WDR20: variants seen among roughly 807,000 people sequenced by gnomAD.
The protein encoded by WDR20 is WD repeat domain 20, also known as WD repeat-containing protein 20.
In WDR20, 3 loss-of-function variants were observed where a neutral mutation model predicts 38.7. The observed-to-expected ratio is 0.08, with a 90% CI of 0.04 to 0.20. The LOEUF (loss-of-function observed/expected upper bound fraction) is 0.20, where lower values mean the gene tolerates loss of function less well. Ranked by LOEUF, WDR20 falls within the 10% of genes least tolerant of loss-of-function variation. WDR20 has a pLI of 1.00. For synonymous variants in WDR20, 298 were observed against 285.6 expected, an observed-to-expected ratio of 1.04 and a Z score of -0.44; for missense variants, 559 against 727.7, an observed-to-expected ratio of 0.77 and a Z score of 2.67.
chr14:102,151,744 TTTTTTTTTTTAA>T (rs1338209130), intron 1 of WDR20, among the ~76,000 whole-genome samples: 2 of 132,334 alleles, frequency 1.5e-5, no homozygotes, highest in African/African-American at 6.3e-5. Context: ...TTCCTTTTTC[TTTTTTTTTTTAA>T]TGAAACAAGA....
intron 1 of WDR20, chr14:102,193,479 G>A (rs923955356): frequency 1.9e-6 from 3 of 1,613,530 alleles, no homozygotes; most frequent in African/African-American, 2.7e-5. Flanking sequence ...CCATGAGGTT[G>A]GTAGAACAGA....
At chr14:102,158,640 A>G (rs2057982647) in intron 1 of WDR20, among the ~76,000 whole-genome samples, 1 of 151,952 alleles carries the variant, frequency 6.6e-6, no homozygotes, top group African/African-American at 2.4e-5. Flanking sequence ...TCAATAACCT[A>G]CTTCCCTATC....
In WDR20 at chr14:102,209,527, G is replaced by T; in HGVS notation, c.1357G>T (p.Ala453Ser). 2 of 1,614,186 alleles carry T rather than the reference G, an allele frequency of 1.2e-6. No homozygotes were observed. The highest frequency in any genetic ancestry group is 1.7e-6 in the Non-Finnish European group (2 of 1,180,050). ...CAGCAAAAGCAGTGTCATGGACGGG[G>T]CCATTGCTTCTGGGGTCAGCAAATT... is the stretch of plus-strand genomic sequence containing the variant. ...AGSKSSVMDG[A>S]IASGVSKFAT... The change falls in exon 3 of 3, where the codon GCC becomes TCC. Residue 453 changes from alanine (A) to serine (S), a missense_variant. By Grantham distance (99) the Ala-to-Ser change is moderately conservative. Coordinates refer to ENST00000342702, the MANE Select transcript of WDR20 (RefSeq NM_144574.4). This position sits in a 1 kb window ranked among gnomAD's most constrained non-coding sequence, Gnocchi z 6.0.
In WDR20 at chr14:102,208,940, C is replaced by T. The variant is rs778393357; in HGVS notation, c.770C>T (p.Thr257Met). The T allele has an allele frequency of 1.2e-5, 19 of 1,614,052 alleles. No individual in the cohort carries two copies. The highest frequency in any genetic ancestry group is 2.2e-5 in the East Asian group (1 of 44,892). ...FNFDSVELHG[T>M]MKSYFGGLLC... ...TTTGACTCAGTGGAGCTGCACGGTA[C>T]GATGAAAAGCTACTTTGGGGGCTTG... Residue 257 changes from threonine (T) to methionine (M), a missense_variant, in exon 3 of 3, where the codon ACG (threonine) becomes ATG (methionine). Transcript: ENST00000342702. The surrounding 1 kb of genome is among the most constrained non-coding windows in gnomAD (Gnocchi z 5.6).
chr14:102,204,920 T>A (rs1197365487), intron 2 of WDR20, among the ~76,000 whole-genome samples: 2 of 152,186 alleles, frequency 1.3e-5, no homozygotes, highest in Non-Finnish European at 2.9e-5. Flanking sequence ...AGAATGAGGA[T>A]GCTGTCTTTG....
intron 1 of WDR20, among the ~76,000 whole-genome samples, chr14:102,173,461 ATTATTATTATTATTATTATTT>A (rs1480082160): frequency 1.4e-5 from 2 of 138,132 alleles, no homozygotes; most frequent in Non-Finnish European, 3.0e-5. Flanking sequence ...TATTATTATT[ATTATTATTATTATTATTATTT>A]TTATCAATAG....
At chr14:102,206,928 C>G (rs963564850) in intron 2 of WDR20, among the ~76,000 whole-genome samples, 1 of 152,172 alleles carries the variant, frequency 6.6e-6, no homozygotes, top group Non-Finnish European at 1.5e-5. Flanking sequence ...TCTCTGTAAC[C>G]CCTTGCTGAG....
chr14:102,203,372 A>C (rs918493283), intron 2 of WDR20, among the ~76,000 whole-genome samples: 1 of 152,064 alleles, frequency 6.6e-6, no homozygotes, highest in Non-Finnish European at 1.5e-5. Context: ...GATCATTGAC[A>C]TTTTTTTTCA....
chr14:102,173,326 C>A (rs1313296078), intron 1 of WDR20, among the ~76,000 whole-genome samples: 1 of 147,568 alleles, frequency 6.8e-6, no homozygotes, highest in Admixed American at 6.8e-5. Context: ...GTTGCCCAGG[C>A]TGGTCTCAAA....
upstream of WDR20, chr14:102,139,839 T>C: frequency 6.6e-7 from 1 of 1,521,062 alleles, no homozygotes; most frequent in Non-Finnish European, 8.9e-7. Flanking sequence ...AGGCAGGGGG[T>C]GGGGGAAGAG....
chr14:102,206,927 C>A (rs2061648330), intron 2 of WDR20, among the ~76,000 whole-genome samples: 1 of 152,202 alleles, frequency 6.6e-6, no homozygotes, highest in Non-Finnish European at 1.5e-5. Flanking sequence ...ATCTCTGTAA[C>A]CCCTTGCTGA....
intron 2 of WDR20, among the ~76,000 whole-genome samples, chr14:102,200,461 T>TGTGTGTGTGTGTG (rs201901921): frequency 4.0e-5 from 4 of 100,678 alleles, no homozygotes; most frequent in Non-Finnish European, 8.2e-5. Flanking sequence ...TTTTAAATTT[T>TGTGTGTGTGTGTG]TTTTTTTGTG....
At chr14:102,148,609 G>A (rs573310931) in intron 1 of WDR20, among the ~76,000 whole-genome samples, 1 of 151,650 alleles carries the variant, frequency 6.6e-6, no homozygotes, top group South Asian at 2.1e-4. Flanking sequence ...ACAAGGCACT[G>A]CTGTCTATTG....
intron 1 of WDR20, among the ~76,000 whole-genome samples, chr14:102,145,525 A>G (rs1349477960): frequency 6.6e-6 from 1 of 152,314 alleles, no homozygotes; most frequent in East Asian, 1.9e-4. Context: ...TGGGAGGCCA[A>G]GGCGGGAGGA....
At chr14:102,193,199 A>G (rs2058823076) in intron 1 of WDR20, among the ~76,000 whole-genome samples, 1 of 147,548 alleles carries the variant, frequency 6.8e-6, no homozygotes, top group Non-Finnish European at 1.5e-5. Flanking sequence ...CTCTCAGGCC[A>G]GGATTCTCTT....
chr14:102,172,985 A>G (rs1281544440), intron 1 of WDR20, among the ~76,000 whole-genome samples: 2 of 147,266 alleles, frequency 1.4e-5, no homozygotes, highest in African/African-American at 5.0e-5. Context: ...GCGGCGGGGC[A>G]AAGGCACTCC....
downstream of WDR20, among the ~76,000 whole-genome samples, chr14:102,215,413 C>G (rs1159285056): frequency 6.6e-6 from 1 of 152,186 alleles, no homozygotes; most frequent in Non-Finnish European, 1.5e-5. Context: ...GCCACCCAGC[C>G]AGCAGCTGGG....
chr14:102,210,662 G>A (rs909581179), downstream of WDR20: 1 of 504,556 alleles, frequency 2.0e-6, no homozygotes, highest in Admixed American at 6.4e-5. Flanking sequence ...CATAAGCGAA[G>A]ACCTTTTCTT....
downstream of WDR20, among the ~76,000 whole-genome samples, chr14:102,211,143 G>C (rs1190027822): frequency 6.6e-6 from 1 of 152,222 alleles, no homozygotes; most frequent in Non-Finnish European, 1.5e-5. This position sits in a 1 kb window ranked among gnomAD's most constrained non-coding sequence, Gnocchi z 4.2. Context: ...TTCCCAGTGG[G>C]TGAGATGGCC....
Sources: gnomAD v4.1 joint callset for allele counts (sites outside exome capture counted in the v4.1 genomes callset) on GRCh38, gnomAD v4.1.1 for gene constraint, Gnocchi (gnomAD v3.1) non-coding constraint, MANE v1.5 for transcripts, NCBI Gene and HGNC (gene_info 2026-07-23, HGNC 2026-07-21) for gene names.